Variants in GALNT13 observed in about 807,000 individuals in gnomAD.
GALNT13 encodes the protein polypeptide N-acetylgalactosaminyltransferase 13.
A neutral mutation model predicts 64.2 loss-of-function variants in GALNT13; 28 were observed. The observed-to-expected ratio is 0.44, with a 90% confidence interval of 0.32 to 0.60. GALNT13 has a LOEUF of 0.60. Ranked by LOEUF, GALNT13 falls within the 20% of genes least tolerant of loss-of-function variation. The probability of loss-of-function intolerance (pLI) is 0.05; values close to 1 mark genes in which losing one functional copy is unlikely to be tolerated. For missense variants in GALNT13, 577 were observed against 669.8 expected, an observed-to-expected ratio of 0.86 and a Z score of 1.53; for synonymous variants, 214 against 224.6, an observed-to-expected ratio of 0.95 and a Z score of 0.42.
the GALNT13 span, among the ~76,000 whole-genome samples, chr2:153,721,068 C>T: frequency 6.7e-5 from 10 of 150,342 alleles, no homozygotes; most frequent in African/African-American, 1.2e-4. Context: ...AGAGAAAGGT[C>T]GGGTTACCCA....
the GALNT13 span, among the ~76,000 whole-genome samples, chr2:153,260,888 T>C: frequency 1.2e-4 from 18 of 151,970 alleles, 1 homozygote; most frequent in Non-Finnish European, 1.5e-5. Flanking sequence ...TTCTTTTTTA[T>C]TCTTTTTTCT....
the GALNT13 span, among the ~76,000 whole-genome samples, chr2:153,220,157 A>G: frequency 2.0e-5 from 3 of 152,204 alleles, no homozygotes; most frequent in East Asian, 1.9e-4. Context: ...AAGATTGGCT[A>G]TGTCACAGTA....
chr2:153,707,531 A>G, the GALNT13 span, among the ~76,000 whole-genome samples: 1 of 152,156 alleles, frequency 6.6e-6, no homozygotes, highest in Non-Finnish European at 1.5e-5. Flanking sequence ...TACCAATCAG[A>G]TGCAATAGCA....
At chr2:153,919,160 CT>C (rs1689589043) in intron 2 of GALNT13, among the ~76,000 whole-genome samples, 1 of 152,018 alleles carries the variant, frequency 6.6e-6, no homozygotes, top group Non-Finnish European at 1.5e-5. Flanking sequence ...GCTTATCTTT[CT>C]TAAAATACAT....
At chr2:153,448,898 G>A in the GALNT13 span, among the ~76,000 whole-genome samples, 6 of 152,248 alleles carry the variant, frequency 3.9e-5, no homozygotes, top group African/African-American at 1.4e-4. Flanking sequence ...AGTAATTAAG[G>A]TTAAACGAGG....
At chr2:153,161,836 T>C in the GALNT13 span, among the ~76,000 whole-genome samples, 1 of 152,206 alleles carries the variant, frequency 6.6e-6, no homozygotes, top group Non-Finnish European at 1.5e-5. Context: ...TTGGCAACCA[T>C]CAATCTTTTG....
At chr2:153,251,897 T>A in the GALNT13 span, among the ~76,000 whole-genome samples, 2 of 151,928 alleles carry the variant, frequency 1.3e-5, no homozygotes, top group African/African-American at 2.4e-5. Flanking sequence ...TGGTTCCAAG[T>A]CTTTGCTATT....
At chr2:153,178,738 T>TG in the GALNT13 span, among the ~76,000 whole-genome samples, 3 of 143,174 alleles carry the variant, frequency 2.1e-5, no homozygotes, top group Admixed American at 2.1e-4. Context: ...TCTTCTTTTT[T>TG]TTTTTTTTTT....
At chr2:153,601,898 A>G in the GALNT13 span, among the ~76,000 whole-genome samples, 1 of 151,932 alleles carries the variant, frequency 6.6e-6, no homozygotes, top group Non-Finnish European at 1.5e-5. Context: ...ATAGTGCGTT[A>G]TCCCTATGTA....
chr2:154,322,544 G>A (rs181609906), intron 9 of GALNT13, among the ~76,000 whole-genome samples: 100 of 152,150 alleles, frequency 6.6e-4, no homozygotes, highest in African/African-American at 2.0e-3. Context: ...GTTTGAAGGC[G>A]TCTGACTCAG....
the GALNT13 span, among the ~76,000 whole-genome samples, chr2:153,581,201 CTCTT>C: frequency 1.3e-5 from 2 of 152,080 alleles, no homozygotes; most frequent in South Asian, 2.1e-4. Flanking sequence ...AGGAAAAAGA[CTCTT>C]TCTCTAGACT....
chr2:154,375,554 A>G (rs575685364), intron 9 of GALNT13, among the ~76,000 whole-genome samples: 13 of 152,238 alleles, frequency 8.5e-5, no homozygotes, highest in Middle Eastern at 6.8e-3. Context: ...TCACTGAAAA[A>G]GGGCAACAAG....
At chr2:153,584,237 G>A in the GALNT13 span, among the ~76,000 whole-genome samples, 4 of 152,124 alleles carry the variant, frequency 2.6e-5, no homozygotes, top group Non-Finnish European at 5.9e-5. Context: ...ATCAAGACTG[G>A]TGTATGCATC....
At chr2:154,152,951 C>T (rs1478458898) in intron 4 of GALNT13, among the ~76,000 whole-genome samples, 1 of 152,206 alleles carries the variant, frequency 6.6e-6, no homozygotes, top group Non-Finnish European at 1.5e-5. Context: ...ATTCTCCGTC[C>T]AGCTTTGTTC....
intron 4 of GALNT13, among the ~76,000 whole-genome samples, chr2:154,217,434 TCAA>T (rs1373301795): frequency 6.6e-6 from 1 of 152,266 alleles, no homozygotes; most frequent in Admixed American, 6.6e-5. Context: ...AGAAAGGTTA[TCAA>T]CAACATTTTT....
the GALNT13 span, among the ~76,000 whole-genome samples, chr2:153,220,572 G>T: frequency 1.3e-5 from 2 of 152,198 alleles, no homozygotes; most frequent in Admixed American, 6.5e-5. Context: ...AAGGAAAGGG[G>T]TGCAAGATGC....
the GALNT13 span, among the ~76,000 whole-genome samples, chr2:153,401,882 A>G: frequency 2.0e-5 from 3 of 152,080 alleles, no homozygotes; most frequent in Admixed American, 6.5e-5. Flanking sequence ...TTTTAATCCA[A>G]TTTGCCAGTC....
intron 2 of GALNT13, among the ~76,000 whole-genome samples, chr2:153,931,066 A>AGTGTGT (rs59409947): frequency 0.06 from 8,252 of 138,186 alleles, 353 homozygotes; most frequent in African/African-American, 0.11. Context: ...TGTATTCCTA[A>AGTGTGT]GTGTGTGTGT....
chr2:153,274,875 T>C, the GALNT13 span, among the ~76,000 whole-genome samples: 126,399 of 152,230 alleles, frequency 0.83, 53,729 homozygotes, highest in African/African-American at 0.93. Context: ...ATGATGAAGA[T>C]TGTCTCACAA....
Sources: gnomAD v4.1 joint callset for allele counts (sites outside exome capture counted in the v4.1 genomes callset) on GRCh38, gnomAD v4.1.1 for gene constraint, MANE v1.5 for transcripts, NCBI Gene and HGNC (gene_info 2026-07-23, HGNC 2026-07-21) for gene names.